Variants in RAP1GAP2 observed in about 807,000 individuals in gnomAD.
RAP1GAP2 encodes the protein rap1 GTPase-activating protein 2.
Under a neutral mutation model 95.0 loss-of-function variants are expected in RAP1GAP2, and 27 were observed. The observed-to-expected ratio is 0.28, with a 90% CI of 0.21 to 0.39. The LOEUF (loss-of-function observed/expected upper bound fraction) is 0.39, where lower values mean the gene tolerates loss of function less well. RAP1GAP2 is among the 10% of genes least tolerant of loss of function. The pLI is 1.00. For synonymous variants in RAP1GAP2, 373 were observed against 380.9 expected (o/e 0.98, Z 0.24); for missense variants, 771 against 970.0 (o/e 0.79, Z 2.72).
chr17:2,823,549 G>T (rs1347038458), intron 2 of RAP1GAP2, among the ~76,000 whole-genome samples: 1 of 152,196 alleles, frequency 6.6e-6, no homozygotes, highest in Non-Finnish European at 1.5e-5. Flanking sequence ...CAGTGGAGGT[G>T]GTCCTGGACG....
chr17:2,779,395 C>A (rs2151444122), intron 1 of RAP1GAP2, among the ~76,000 whole-genome samples: 1 of 152,328 alleles, frequency 6.6e-6, no homozygotes, highest in African/African-American at 2.4e-5. Context: ...GTCATTCACT[C>A]AAGTGGAGGT....
At chr17:2,846,402 C>T (rs571426111) in intron 2 of RAP1GAP2, among the ~76,000 whole-genome samples, 5 of 151,990 alleles carry the variant, frequency 3.3e-5, no homozygotes, top group African/African-American at 7.2e-5. Flanking sequence ...CCGACTTTGG[C>T]GGTTTGTTTT....
intron 14 of RAP1GAP2, among the ~76,000 whole-genome samples, chr17:3,002,018 A>T (rs1284188916): frequency 6.8e-6 from 1 of 147,004 alleles, no homozygotes; most frequent in Non-Finnish European, 1.5e-5. Context: ...GCTAGAGTGC[A>T]GTGGTGTGAT....
chr17:2,833,404 TGGGATTACAG>T (rs2070986290), intron 2 of RAP1GAP2, among the ~76,000 whole-genome samples: 1 of 152,062 alleles, frequency 6.6e-6, no homozygotes, highest in African/African-American at 2.4e-5. Flanking sequence ...CCCAAAGTGT[TGGGATTACAG>T]GGGTGAGCCA....
At chr17:2,944,538 C>CT (rs990866647) in intron 3 of RAP1GAP2, among the ~76,000 whole-genome samples, 56 of 152,134 alleles carry the variant, frequency 3.7e-4, no homozygotes, top group Non-Finnish European at 6.5e-4. Flanking sequence ...ATCACTGTAG[C>CT]TTTATAGTAA....
At chr17:2,771,597 C>G (rs1049424799) in intron 2 of RAP1GAP2, among the ~76,000 whole-genome samples, 1 of 147,700 alleles carries the variant, frequency 6.8e-6, no homozygotes, top group African/African-American at 2.5e-5. Flanking sequence ...GGAGGCGATT[C>G]TCCTGCCTCA....
intron 2 of RAP1GAP2, among the ~76,000 whole-genome samples, chr17:2,842,916 C>G (rs1597417367): frequency 6.6e-6 from 1 of 152,284 alleles, no homozygotes; most frequent in East Asian, 1.9e-4. Flanking sequence ...TCTTTTCTCT[C>G]TCTTCCTCCC....
intron 1 of RAP1GAP2, among the ~76,000 whole-genome samples, chr17:2,762,943 T>C (rs2071283615): frequency 6.6e-6 from 1 of 152,100 alleles, no homozygotes; most frequent in Non-Finnish European, 1.5e-5. Context: ...CTGAAAGTAC[T>C]GGGACTACAG....
intron 2 of RAP1GAP2, among the ~76,000 whole-genome samples, chr17:2,895,053 T>C (rs528687048): frequency 6.6e-6 from 1 of 152,330 alleles, no homozygotes; most frequent in East Asian, 1.9e-4. Flanking sequence ...GTTTGTACTG[T>C]GTGTGTGTCA....
In RAP1GAP2 at chr17:3,005,406, G is replaced by T; in HGVS notation, c.1238G>T (p.Gly413Val). The T allele has an allele frequency of 6.2e-7, 1 of 1,613,818 alleles. No homozygotes were observed. The highest frequency in any genetic ancestry group is 8.5e-7 in the Non-Finnish European group (1 of 1,179,818). The change falls in exon 15 of 25, where the codon GGT becomes GTT. Residue 413 changes from glycine (G) to valine (V), a missense_variant. Coordinates refer to ENST00000254695, the MANE Select transcript of RAP1GAP2 (RefSeq NM_015085.5). This position sits in a 1 kb window ranked among gnomAD's most constrained non-coding sequence, Gnocchi z 5.2. ...VTAREDVPTF[G>V]PPLPSPPVFQ... ...GCGCGGGAAGATGTGCCCACCTTTG[G>T]TCCACCTCTGCCCAGTCCCCCCGTT...
intron 1 of RAP1GAP2, among the ~76,000 whole-genome samples, chr17:2,779,365 T>C (rs1346759517): frequency 6.6e-6 from 1 of 152,196 alleles, no homozygotes; most frequent in East Asian, 1.9e-4. Context: ...GAAGACCACA[T>C]GCCCAGGGTG....
chr17:2,962,531 G>C (rs2044382248), intron 4 of RAP1GAP2, 139 bp from the exon 5 acceptor site: 1 of 856,090 alleles, frequency 1.2e-6, no homozygotes, highest in Non-Finnish European at 1.8e-6. Flanking sequence ...CTGGCCAGGT[G>C]TGATGTGTGC....
rs2070098185 is a variant in RAP1GAP2 at position 2,817,910 on chromosome 17, C to G, written c.80+17360C>G. 3.2e-5 allele frequency among the ~76,000 whole-genome samples: 2 copies of G among 61,612 alleles called. 1 individual carries two copies. The highest frequency in any genetic ancestry group is 8.6e-5 in the African/African-American group (2 of 23,158). The allele number at this position is 61,612 out of a possible 152,430, so 40.4% of individuals were successfully genotyped here. On this transcript the variant is annotated intron_variant, in intron 2 of 24. Coordinates refer to ENST00000254695, the MANE Select transcript of RAP1GAP2 (RefSeq NM_015085.5). ...TGGAATGTAGGGCACAATCTCAGCT[C>G]ACTGCAACCTCTGCTTCCCAGGTTC...
At chr17:2,889,889 A>ATATATATATATAT (rs1408426152) in intron 2 of RAP1GAP2, among the ~76,000 whole-genome samples, 35 of 57,306 alleles carry the variant, frequency 6.1e-4, no homozygotes, top group Admixed American at 1.4e-3. Flanking sequence ...ATATATATAT[A>ATATATATATATAT]TTTTTTTTTT....
At chr17:2,853,065 A>C (rs2157870) in intron 2 of RAP1GAP2, among the ~76,000 whole-genome samples, 130,067 of 152,032 alleles carry the variant, frequency 0.86, 55,832 homozygotes, top group African/African-American at 0.94. Flanking sequence ...TGGTTATTGA[A>C]CCCATGTGGA....
chr17:2,784,752 G>A (rs941612234), intron 1 of RAP1GAP2, among the ~76,000 whole-genome samples: 2 of 152,076 alleles, frequency 1.3e-5, no homozygotes, highest in African/African-American at 2.4e-5. Context: ...AATGGGAAAG[G>A]CCTTTTCTGT....
chr17:2,978,861 G>A (rs1470898303), intron 8 of RAP1GAP2, among the ~76,000 whole-genome samples: 1 of 152,118 alleles, frequency 6.6e-6, no homozygotes, highest in Non-Finnish European at 1.5e-5. Context: ...CTTGAAACCG[G>A]GAGGCGGAGG....
At chr17:2,950,712 G>A (rs2043893102) in intron 3 of RAP1GAP2, among the ~76,000 whole-genome samples, 1 of 146,924 alleles carries the variant, frequency 6.8e-6, no homozygotes, top group Non-Finnish European at 1.5e-5. Context: ...CAAGGCTCAA[G>A]CAATTCTCCT....
chr17:3,034,797 G>C lies in RAP1GAP2; in HGVS notation c.*1436G>C, dbSNP rs900777521. The C allele has an allele frequency of 6.6e-6, 1 of 152,596 alleles. No individual in the cohort carries two copies. The highest frequency in any genetic ancestry group is 2.4e-5 in the African/African-American group (1 of 41,448). The allele number at this position is 152,596 out of a possible 1,614,324, so 9.5% of individuals were successfully genotyped here. On this transcript the variant is annotated 3_prime_UTR_variant, in exon 25 of 25. Coordinates refer to ENST00000254695, the MANE Select transcript of RAP1GAP2 (RefSeq NM_015085.5). This position sits in a 1 kb window ranked among gnomAD's most constrained non-coding sequence, Gnocchi z 5.1. ...GTGGGCTTCTCTGCCGATGGGCCCG[G>C]GTTGGGGTTAAGGTGGGCATCCTCC... is the stretch of plus-strand genomic sequence containing the variant.
Sources: allele counts gnomAD v4.1 joint callset (sites outside exome capture counted in the v4.1 genomes callset), GRCh38; gene constraint gnomAD v4.1.1; non-coding constraint Gnocchi (gnomAD v3.1); transcripts MANE v1.5; gene names NCBI Gene and HGNC (gene_info 2026-07-23, HGNC 2026-07-21).